Variants in CFAP65 observed in about 807,000 individuals in gnomAD.
CFAP65 encodes cilia- and flagella-associated protein 65.
In CFAP65, 155 loss-of-function variants were observed where a neutral mutation model predicts 208.0. The observed-to-expected ratio is 0.75, with a 90% CI of 0.65 to 0.85. The LOEUF (loss-of-function observed/expected upper bound fraction) is 0.85. Among genes scored for constraint, CFAP65 ranks in the 40% least tolerant of loss-of-function variants. The pLI is 0.00. For synonymous variants in CFAP65, 970 were observed against 986.3 expected, an observed-to-expected ratio of 0.98 and a Z score of 0.31; for missense variants, 2,294 against 2,451.3, an observed-to-expected ratio of 0.94 and a Z score of 1.36.
At position 219,005,538 on chromosome 2, in the gene CFAP65, G is replaced by C; in HGVS notation, c.4947C>G (p.Pro1649=). 6.2e-7 allele frequency: 1 copy of C among 1,612,312 alleles called. No homozygotes were observed. Among genetic ancestry groups the C allele is most frequent in the Non-Finnish European group, 8.5e-7 (1 of 1,179,892 alleles). Residue 1649 remains proline (P), a synonymous_variant, in exon 32 of 35, where the codon CCC becomes CCG. Coordinates refer to ENST00000341552, the MANE Select transcript of CFAP65 (RefSeq NM_194302.4). The part of the protein sequence containing the change: ...LHRELPKRKA[P]REESETSEEK... ...CCTCAGAAGTCTCTGACTCTTCCCT[G>C]GGGGCCTTCCTCTTTGGCAGCTCCC... is the stretch of plus-strand genomic sequence containing the variant.
chr2:219,030,182 A>G lies in CFAP65; in HGVS notation c.1188T>C (p.Ile396=), dbSNP rs775814684. The G allele has an allele frequency of 1.2e-6, 2 of 1,613,974 alleles. No individual in the cohort carries two copies. The highest frequency in any genetic ancestry group is 2.7e-5 in the African/African-American group (2 of 74,906). ...SAVNAPFRIE[I]SPDELAEDQA... is the part of the protein sequence containing the mutation. Reference sequence around the variant, plus strand: ...GGTCTTCGGCCAGTTCATCCGGGGAAATTTCAATCCTGAAGGGGGCATTTA... The same window carrying G: ...GGTCTTCGGCCAGTTCATCCGGGGAGATTTCAATCCTGAAGGGGGCATTTA... The change falls in exon 10 of 35, where the codon ATT becomes ATC. Residue 396 remains isoleucine, a synonymous_variant. Transcript: ENST00000341552.
At chr2:219,026,996 C>T in intron 13 of CFAP65, 1 of 991,402 alleles carries the variant, frequency 1.0e-6, no homozygotes, top group Non-Finnish European at 1.2e-6. Flanking sequence ...TGCCCAAGGT[C>T]ACATAGCTGG....
chr2:219,030,594 T>G, intron 9 of CFAP65, 95 bp downstream of exon 9: 1 of 1,492,890 alleles, frequency 6.7e-7, no homozygotes, highest in African/African-American at 1.4e-5. Flanking sequence ...GCCAAAGGCA[T>G]GGAGAGAAAG....
chr2:219,024,482 G>C (rs940252432), intron 14 of CFAP65, among the ~76,000 whole-genome samples: 1 of 137,466 alleles, frequency 7.3e-6, no homozygotes, highest in African/African-American at 2.6e-5. Flanking sequence ...GGGCGGGGGG[G>C]GGGCAGGGGG....
chr2:219,030,545 C>T (rs1947945285), intron 9 of CFAP65, 144 bp downstream of exon 9: 1 of 1,137,656 alleles, frequency 8.8e-7, no homozygotes, highest in South Asian at 1.5e-5. Flanking sequence ...GAGAAGGACA[C>T]ACCTGTTGAC....
rs556869211 is a variant in CFAP65, at chr2:219,032,484, G to C, written c.631C>G (p.Arg211Gly). Residue 211 changes from arginine to glycine, a missense_variant, in exon 6 of 35, where the codon CGG becomes GGG. Physicochemically the swap from Arg to Gly is moderately radical, Grantham distance 125 (BLOSUM62 -2). This residue lies in a region of CFAP65 where 867 missense variants were observed against 1,012.6 expected (regional missense o/e 0.86). Transcript: ENST00000341552. This position sits in a 1 kb window ranked among gnomAD's most constrained non-coding sequence, Gnocchi z 5.5. ...GCAGACCTTACCGCCTCCAGAGGCC[G>C]GAAGACGATGGGGAGCGTGAGGGTT... is the stretch of plus-strand genomic sequence containing the variant. ...GITLTLPIVF[R>G]PLEAKEYMDQ... is the part of the protein sequence containing the mutation. 1 of 1,597,376 alleles carries C rather than the reference G, an allele frequency of 6.3e-7. No individual in the cohort carries two copies. Among genetic ancestry groups the C allele is most frequent in the East Asian group, 2.3e-5 (1 of 44,200 alleles).
At position 219,019,637 on chromosome 2, in the gene CFAP65, G is replaced by A. The variant is rs1281440446; in HGVS notation, c.3342C>T (p.Ser1114=). 2 of 1,613,720 alleles carry A rather than the reference G, an allele frequency of 1.2e-6. No homozygotes were observed. The highest frequency in any genetic ancestry group is 2.2e-5 in the East Asian group (1 of 44,892). Residue 1114 remains serine (S), a synonymous_variant, in exon 20 of 35, where the codon AGC becomes AGT. Coordinates refer to ENST00000341552, the MANE Select transcript of CFAP65 (RefSeq NM_194302.4). The part of the protein sequence containing the change: ...VYPLLSILDV[S]SMGSAEGITR... ...TGATACCCTCAGCACTGCCCATGGA[G>A]CTGACATCCAGGATGGAAAGCAAGG...
intron 5 of CFAP65, 73 bp downstream of exon 5, chr2:219,035,397 GTTTGTTTTGT>G (rs752075836): frequency 2.5e-6 from 4 of 1,606,612 alleles, no homozygotes; most frequent in African/African-American, 2.7e-5. Flanking sequence ...GGTTTTTTTT[GTTTGTTTTGT>G]TTTGTTTTGA....
Position 219,019,815 on chromosome 2 carries a change from G to T in CFAP65, c.3260-96C>A, listed in dbSNP as rs1947160089. ...AAGGTGCAGGAGTCCTGGGCAGTTG[G>T]CCCCAGGACCCTCATCAGGAGCAGT... On this transcript the variant is annotated intron_variant, in intron 19 of 34. Coordinates refer to ENST00000341552, the MANE Select transcript of CFAP65 (RefSeq NM_194302.4). The T allele has an allele frequency of 3.1e-6, 3 of 973,576 alleles. No individual in the cohort carries two copies. In the East Asian group the frequency reaches 7.8e-5, roughly 25 times the overall value. 60.3% of individuals were successfully genotyped at this position (973,576 alleles called of 1,614,324 possible).
chr2:219,020,901 G>C (rs1947222890), intron 19 of CFAP65, among the ~76,000 whole-genome samples: 1 of 152,134 alleles, frequency 6.6e-6, no homozygotes, highest in African/African-American at 2.4e-5. Flanking sequence ...GCGAGGCTTG[G>C]GGGCTAAGAT....
At chr2:219,013,393 G>T in intron 23 of CFAP65, 24 bp from the exon 24 acceptor site, 1 of 1,582,816 alleles carries the variant, frequency 6.3e-7, no homozygotes, top group Non-Finnish European at 8.6e-7. Context: ...TTCCCCCGGA[G>T]GAACTGACAC....
intron 21 of CFAP65, 99 bp downstream of exon 21, chr2:219,018,952 C>G: frequency 6.6e-7 from 1 of 1,518,728 alleles, no homozygotes; most frequent in Admixed American, 1.8e-5. Context: ...AGACAGCAAG[C>G]AGCCAGGCCA....
Position 219,029,479 on chromosome 2 carries a change from A to G in CFAP65, c.1574T>C (p.Met525Thr). The change falls in exon 11 of 35, where the codon ATG becomes ACG. Residue 525 changes from methionine (M) to threonine (T), a missense_variant. Transcript: ENST00000341552. Reference sequence around the variant, plus strand: ...GGGCTGGAAGGCACAGTGCAGGGTCATACGGGCCTTGCCCACCAGCGTCCC... The same window carrying G: ...GGGCTGGAAGGCACAGTGCAGGGTCGTACGGGCCTTGCCCACCAGCGTCCC... ...AFGTLVGKAR[M>T]TLHCAFQPTH... The G allele has an allele frequency of 6.2e-7, 1 of 1,614,118 alleles. No homozygotes were observed. The highest frequency in any genetic ancestry group is 8.5e-7 in the Non-Finnish European group (1 of 1,179,998).
rs374958890 is a variant in CFAP65, at chr2:219,004,255, G to T, written c.5252C>A (p.Pro1751Gln). ...GKGKQPKEDR[P>Q]EHYPGLGKKE... ...CTTTCCCAACCCTGGATAGTGCTCT[G>T]GTCTGTCTTCCTTCGGCTGCTTGCC... Residue 1751 changes from proline (P) to glutamine (Q), a missense_variant, in exon 33 of 35, where the codon CCA (proline) becomes CAA (glutamine). Physicochemically the swap from Pro to Gln is moderately conservative, Grantham distance 76. This residue lies in a region of CFAP65 where 1,427 missense variants were observed against 1,438.7 expected (regional missense o/e 0.99). Transcript: ENST00000341552. The surrounding 1 kb of genome is among the most constrained non-coding windows in gnomAD (Gnocchi z 4.7). 2.5e-6 allele frequency: 4 copies of T among 1,613,922 alleles called. No homozygotes were observed. The highest frequency in any genetic ancestry group is 2.2e-5 in the East Asian group (1 of 44,878).
intron 21 of CFAP65, chr2:219,015,342 C>G: frequency 6.6e-6 from 1 of 152,110 alleles, no homozygotes; most frequent in Non-Finnish European, 1.5e-5. Context: ...ACGCAGCACA[C>G]ACCTGACGGG....
intron 21 of CFAP65, among the ~76,000 whole-genome samples, chr2:219,017,790 GC>G (rs1947006171): frequency 6.6e-6 from 1 of 152,210 alleles, no homozygotes; most frequent in Admixed American, 6.5e-5. Context: ...TCTCCCTGGA[GC>G]CCTGTAGGGC....
intron 20 of CFAP65, 51 bp from the exon 21 acceptor site, chr2:219,019,230 G>C (rs755883772): frequency 6.4e-7 from 1 of 1,552,902 alleles, no homozygotes; most frequent in East Asian, 2.3e-5. Context: ...GCCAGGGCAG[G>C]GCCCTCCCAG....
At position 219,022,307 on chromosome 2, in the gene CFAP65, G is replaced by T; in HGVS notation, c.2843C>A (p.Pro948His). ...ERLTLTWTFSPLEETKYLFQV... is the reference protein window; with the variant it reads ...ERLTLTWTFSHLEETKYLFQV... Reference sequence around the variant, plus strand: ...GAACAGGTACTTGGTCTCCTCCAAAGGGCTGAAGGTCCACGTCAGCGTCTG... The same window carrying T: ...GAACAGGTACTTGGTCTCCTCCAAATGGCTGAAGGTCCACGTCAGCGTCTG... Residue 948 changes from proline (P) to histidine (H), a missense_variant, in exon 17 of 35, where the codon CCT (proline) becomes CAT (histidine). Physicochemically the swap from Pro to His is moderately conservative, Grantham distance 77. Transcript: ENST00000341552. The T allele has an allele frequency of 6.2e-7, 1 of 1,605,630 alleles. No individual in the cohort carries two copies. Among genetic ancestry groups the T allele is most frequent in the East Asian group, 2.2e-5 (1 of 44,666 alleles).
intron 29 of CFAP65, among the ~76,000 whole-genome samples, chr2:219,007,929 A>G (rs1946138483): frequency 6.7e-6 from 1 of 150,256 alleles, no homozygotes; most frequent in South Asian, 2.1e-4. Context: ...AGCGATTCTC[A>G]TGCCTCAGCC....
Sources: allele counts gnomAD v4.1 joint callset (sites outside exome capture counted in the v4.1 genomes callset), GRCh38; gene constraint gnomAD v4.1.1; regional missense constraint gnomAD v4.1.1; non-coding constraint Gnocchi (gnomAD v3.1); transcripts MANE v1.5; gene names NCBI Gene and HGNC (gene_info 2026-07-23, HGNC 2026-07-21).